The following CFAP20DC variants were observed in gnomAD, a reference collection of about 807,000 sequenced individuals.
CFAP20DC encodes protein CFAP20DC.
A neutral mutation model predicts 101.7 loss-of-function variants in CFAP20DC; 84 were observed. The ratio of observed to expected loss-of-function variants is 0.83; its 90% CI spans 0.69 to 0.99. CFAP20DC has a LOEUF of 0.99. Among genes scored for constraint, CFAP20DC ranks in the 50% least tolerant of loss-of-function variants. CFAP20DC has a pLI of 0.00. For missense variants in CFAP20DC, 1,007 were observed against 970.3 expected, an observed-to-expected ratio of 1.04 and a Z score of -0.50; for synonymous variants, 359 against 351.2, an observed-to-expected ratio of 1.02 and a Z score of -0.25.
Position 58,729,462 on chromosome 3 carries a change from C to T in CFAP20DC, c.198-11834G>A, listed in dbSNP as rs1454490345. 6.6e-6 allele frequency among the ~76,000 whole-genome samples: 1 copy of T among 151,940 alleles called. No homozygotes were observed. The highest frequency in any genetic ancestry group is 2.4e-5 in the African/African-American group (1 of 41,376). ...TTTTATCCAACAACATTAACGAATT[C>T]TTATAACTTTTATTAATTTATGTGT... is the stretch of plus-strand genomic sequence containing the variant. On this transcript the variant is annotated intron_variant, in intron 3 of 3. Transcript: ENST00000486145. The surrounding 1 kb of genome is among the most constrained non-coding windows in gnomAD (Gnocchi z 4.4).
chr3:58,935,616 G>A (rs1282121472), intron 5 of CFAP20DC, among the ~76,000 whole-genome samples: 2 of 151,984 alleles, frequency 1.3e-5, no homozygotes, highest in Non-Finnish European at 2.9e-5. Context: ...CAGAAATAAC[G>A]CCGCATATCT....
chr3:58,822,053 C>T (rs1431285729), intron 14 of CFAP20DC, among the ~76,000 whole-genome samples: 2 of 140,336 alleles, frequency 1.4e-5, no homozygotes, highest in African/African-American at 2.8e-5. Context: ...GAACAAAAAA[C>T]CAAACACCGC....
chr3:58,929,159 T>C (rs916763154), intron 5 of CFAP20DC, among the ~76,000 whole-genome samples: 1 of 152,216 alleles, frequency 6.6e-6, no homozygotes, highest in Non-Finnish European at 1.5e-5. Flanking sequence ...TCACTTCCTA[T>C]CTCATCAAGA....
intron 3 of CFAP20DC, among the ~76,000 whole-genome samples, chr3:59,042,494 G>A: frequency 6.6e-6 from 1 of 151,900 alleles, no homozygotes; most frequent in East Asian, 1.9e-4. Flanking sequence ...AGGTGATAGT[G>A]CACTGGACTA....
chr3:58,874,219 A>AT lies in CFAP20DC; in HGVS notation c.716-3911_716-3910insA, dbSNP rs1398720304. Among the ~76,000 whole-genome samples the AT allele has an allele frequency of 1.3e-5, 2 of 152,040 alleles. No homozygotes were observed. The highest frequency in any genetic ancestry group is 2.9e-5 in the Non-Finnish European group (2 of 67,986). ...AGTCAGAATCTAGGTGTCATGCTTG[A>AT]CACCTTCCCCTGATCTCTCCATATC... On this transcript the variant is annotated intron_variant, in intron 7 of 16. Coordinates refer to ENST00000482387, the MANE Select transcript of CFAP20DC (RefSeq NM_001394063.1). This position sits in a 1 kb window ranked among gnomAD's most constrained non-coding sequence, Gnocchi z 5.1.
At chr3:58,924,948 G>C (rs956192089) in intron 5 of CFAP20DC, among the ~76,000 whole-genome samples, 5 of 151,386 alleles carry the variant, frequency 3.3e-5, no homozygotes, top group African/African-American at 9.7e-5. Context: ...TGTTATCTGA[G>C]ATCTTTGTAG....
At chr3:58,967,538 C>CAAG (rs1559913781) in intron 4 of CFAP20DC, among the ~76,000 whole-genome samples, 1 of 151,984 alleles carries the variant, frequency 6.6e-6, no homozygotes, top group Non-Finnish European at 1.5e-5. Flanking sequence ...AAACTTTTGT[C>CAAG]CTCAAAGGAT....
intron 12 of CFAP20DC, among the ~76,000 whole-genome samples, chr3:58,850,994 C>G (rs1384493193): frequency 1.3e-5 from 2 of 151,222 alleles, no homozygotes; most frequent in Non-Finnish European, 3.0e-5. Context: ...CTCAGTTGGG[C>G]AGGGGACAAG....
intron 4 of CFAP20DC, among the ~76,000 whole-genome samples, chr3:58,957,845 C>A (rs1216890693): frequency 2.0e-5 from 3 of 152,012 alleles, no homozygotes; most frequent in African/African-American, 7.2e-5. Flanking sequence ...TTACTAGAGG[C>A]TGGGAAGTGT....
chr3:58,754,385 T>C (rs536068977), intron 15 of CFAP20DC, among the ~76,000 whole-genome samples: 2 of 152,186 alleles, frequency 1.3e-5, no homozygotes, highest in East Asian at 3.9e-4. Flanking sequence ...AGTGAGGGCA[T>C]TTCCCCATCT....
chr3:58,850,697 A>G (rs533236787), intron 12 of CFAP20DC, among the ~76,000 whole-genome samples: 35 of 152,266 alleles, frequency 2.3e-4, no homozygotes, highest in Non-Finnish European at 4.4e-4. Flanking sequence ...AAAAAACAAA[A>G]AAGCACAGTC....
At position 59,049,519 on chromosome 3, in the gene CFAP20DC, A is replaced by C. The variant is rs929100213; in HGVS notation, c.21+92T>G. Reference sequence around the variant, plus strand: ...CCCTGAAAAAGACCTTATTATGGGGATAGAGGGTGCACTTTATCCTCACCC... The same window carrying C: ...CCCTGAAAAAGACCTTATTATGGGGCTAGAGGGTGCACTTTATCCTCACCC... On this transcript the variant is annotated intron_variant, in intron 1 of 16. Coordinates refer to ENST00000482387, the MANE Select transcript of CFAP20DC (RefSeq NM_001394063.1). 8 of 1,160,124 alleles carry C rather than the reference A, an allele frequency of 6.9e-6. No homozygotes were observed. In the Admixed American group the frequency reaches 1.4e-4, roughly 20 times the overall value. 71.9% of individuals were successfully genotyped at this position (1,160,124 alleles called of 1,614,324 possible). A position where few individuals can be genotyped will look rare whatever the true frequency, so the allele number is the denominator to read the frequency against.
intron 4 of CFAP20DC, among the ~76,000 whole-genome samples, chr3:58,967,418 T>C (rs2091641791): frequency 6.6e-6 from 1 of 152,158 alleles, no homozygotes; most frequent in Non-Finnish European, 1.5e-5. Context: ...TCTCTTAGAA[T>C]AAAATAAGTG....
At chr3:58,980,383 G>T (rs528056863) in intron 4 of CFAP20DC, among the ~76,000 whole-genome samples, 1 of 152,060 alleles carries the variant, frequency 6.6e-6, no homozygotes, top group African/African-American at 2.4e-5. Context: ...GATACCAAAG[G>T]ACGGCAGAGA....
chr3:58,840,288 T>A (rs555434799), intron 13 of CFAP20DC, among the ~76,000 whole-genome samples: 38 of 152,196 alleles, frequency 2.5e-4, no homozygotes, highest in Admixed American at 7.9e-4. Flanking sequence ...TTGGTAGGAG[T>A]GTCCCACTTA....
chr3:58,855,786 G>A (rs2078734211), intron 12 of CFAP20DC, among the ~76,000 whole-genome samples: 3 of 141,264 alleles, frequency 2.1e-5, no homozygotes, highest in South Asian at 2.2e-4. Context: ...AATGAACAAT[G>A]AGAACACATG....
chr3:58,891,249 C>T (rs1348480541), intron 6 of CFAP20DC, among the ~76,000 whole-genome samples: 3 of 151,994 alleles, frequency 2.0e-5, no homozygotes, highest in Non-Finnish European at 2.9e-5. Context: ...ACAGCGAAAC[C>T]CCGTCTCCAC....
At chr3:58,843,234 A>G (rs142323843) in intron 13 of CFAP20DC, among the ~76,000 whole-genome samples, 2,768 of 152,210 alleles carry the variant, frequency 0.018, 91 homozygotes, top group African/African-American at 0.063. Context: ...GAGGACATTC[A>G]AACCAAAGGC....
chr3:58,723,831 T>A (rs1249077141), intron 3 of CFAP20DC, among the ~76,000 whole-genome samples: 1 of 152,218 alleles, frequency 6.6e-6, no homozygotes, highest in Non-Finnish European at 1.5e-5. Context: ...GTTTTCATTA[T>A]ATTTAAGGTG....
Sources: allele counts gnomAD v4.1 joint callset (sites outside exome capture counted in the v4.1 genomes callset), GRCh38; gene constraint gnomAD v4.1.1; non-coding constraint Gnocchi (gnomAD v3.1); transcripts MANE v1.5; gene names NCBI Gene and HGNC (gene_info 2026-07-23, HGNC 2026-07-21).